VAV3: variants seen among roughly 807,000 people sequenced by gnomAD.
The protein encoded by VAV3 is vav guanine nucleotide exchange factor 3, also known as guanine nucleotide exchange factor VAV3.
Under a neutral mutation model 131.2 loss-of-function variants are expected in VAV3, and 94 were observed. That is an observed-to-expected ratio of 0.72 (90% CI 0.61 to 0.85). The LOEUF is 0.85. Among genes scored for constraint, VAV3 ranks in the 40% least tolerant of loss-of-function variants. The pLI, the probability that VAV3 is intolerant of heterozygous loss-of-function variation, is 0.00. For missense variants in VAV3, 939 were observed against 1,002.7 expected (o/e 0.94, Z 0.86); for synonymous variants, 349 against 342.0 (o/e 1.02, Z -0.22).
At chr1:107,721,949 A>C (rs1661527661) in intron 15 of VAV3, among the ~76,000 whole-genome samples, 3 of 152,216 alleles carry the variant, frequency 2.0e-5, no homozygotes. Flanking sequence ...CATAATTGCA[A>C]ATGACTTTTA....
chr1:107,668,242 G>T (rs1657545455), intron 19 of VAV3, among the ~76,000 whole-genome samples: 1 of 152,292 alleles, frequency 6.6e-6, no homozygotes, highest in South Asian at 2.1e-4. Flanking sequence ...CTGATAAAGT[G>T]CACTGATTTA....
intron 13 of VAV3, 150 bp downstream of exon 13, chr1:107,750,967 T>G: frequency 1.4e-6 from 1 of 729,478 alleles, no homozygotes; most frequent in Non-Finnish European, 2.2e-6. Flanking sequence ...ATAATCTAGA[T>G]TTAAAAAATT....
intron 1 of VAV3, among the ~76,000 whole-genome samples, chr1:107,958,606 TA>T (rs1674927988): frequency 6.8e-6 from 1 of 147,620 alleles, no homozygotes; most frequent in Non-Finnish European, 1.5e-5. Flanking sequence ...AAGAAGATTT[TA>T]AAACACTTTA....
chr1:107,860,390 T>C (rs920929834), intron 2 of VAV3, among the ~76,000 whole-genome samples: 5 of 144,386 alleles, frequency 3.5e-5, no homozygotes, highest in African/African-American at 1.2e-4. Flanking sequence ...TGGTTATCTC[T>C]ATAATAATTT....
At chr1:107,805,095 T>C (rs187166567) in intron 2 of VAV3, among the ~76,000 whole-genome samples, 2 of 152,274 alleles carry the variant, frequency 1.3e-5, no homozygotes, top group East Asian at 3.9e-4. Flanking sequence ...TAAAATCCTT[T>C]CTTTGTCCTT....
At chr1:107,637,689 A>G (rs559459961) in intron 20 of VAV3, among the ~76,000 whole-genome samples, 1 of 152,324 alleles carries the variant, frequency 6.6e-6, no homozygotes, top group African/African-American at 2.4e-5. Flanking sequence ...CTAGGCCTAG[A>G]TAGCTTCCCT....
At chr1:107,933,814 CAAAAAA>C (rs11383512) in intron 1 of VAV3, among the ~76,000 whole-genome samples, 2 of 119,234 alleles carry the variant, frequency 1.7e-5, no homozygotes, top group South Asian at 2.8e-4. Flanking sequence ...AGACCCTTCT[CAAAAAA>C]AAAAAAAAAA....
At chr1:107,774,090 A>G (rs1269494784) in intron 4 of VAV3, among the ~76,000 whole-genome samples, 1 of 152,168 alleles carries the variant, frequency 6.6e-6, no homozygotes, top group East Asian at 1.9e-4. Context: ...TTTGGGGGAC[A>G]GAGTCTCACT....
intron 2 of VAV3, among the ~76,000 whole-genome samples, chr1:107,787,126 C>A (rs564433940): frequency 6.6e-6 from 1 of 152,086 alleles, no homozygotes; most frequent in African/African-American, 2.4e-5. Context: ...AATACCATGG[C>A]CCAGAAAAAC....
intron 20 of VAV3, among the ~76,000 whole-genome samples, chr1:107,621,336 C>G (rs1001840236): frequency 6.6e-6 from 1 of 151,992 alleles, no homozygotes; most frequent in East Asian, 1.9e-4. Flanking sequence ...GTCTTATCAG[C>G]TTTAGCTATA....
At chr1:107,678,828 T>C (rs1011631677) in intron 19 of VAV3, among the ~76,000 whole-genome samples, 2 of 152,106 alleles carry the variant, frequency 1.3e-5, no homozygotes, top group Non-Finnish European at 2.9e-5. Context: ...TATTGTGTAA[T>C]CCTAGATCTT....
intron 19 of VAV3, among the ~76,000 whole-genome samples, chr1:107,670,259 C>T (rs1421099028): frequency 6.6e-6 from 1 of 152,124 alleles, no homozygotes; most frequent in Non-Finnish European, 1.5e-5. Flanking sequence ...AAGCACTGAG[C>T]TTGAAGTGCT....
intron 1 of VAV3, among the ~76,000 whole-genome samples, chr1:107,907,170 T>A (rs1672149138): frequency 6.6e-6 from 1 of 152,210 alleles, no homozygotes; most frequent in African/African-American, 2.4e-5. Flanking sequence ...ACAATCGGAC[T>A]CGGAAATTAC....
At chr1:107,681,575 A>C (rs1658611147) in intron 19 of VAV3, among the ~76,000 whole-genome samples, 1 of 152,172 alleles carries the variant, frequency 6.6e-6, no homozygotes. Flanking sequence ...AAGATCATCA[A>C]GTGTTTGGGT....
intron 1 of VAV3, among the ~76,000 whole-genome samples, chr1:107,935,958 T>G (rs777216816): frequency 1.3e-5 from 2 of 152,154 alleles, no homozygotes; most frequent in Non-Finnish European, 2.9e-5. Flanking sequence ...ACCCCATCAG[T>G]TGAAGAATTT....
At chr1:107,870,988 A>G (rs1255481115) in intron 2 of VAV3, among the ~76,000 whole-genome samples, 1 of 152,144 alleles carries the variant, frequency 6.6e-6, no homozygotes, top group African/African-American at 2.4e-5. Flanking sequence ...AAAAAATCCC[A>G]TGTGCTTCTG....
chr1:107,826,602 T>C lies in VAV3; in HGVS notation c.322-47110A>G, dbSNP rs182305847. Among the ~76,000 whole-genome samples, 156 of 152,280 alleles carry C rather than the reference T, an allele frequency of 1.0e-3. 1 individual carries two copies. The highest frequency in any genetic ancestry group is 3.7e-3 in the African/African-American group (152 of 41,562). On this transcript the variant is annotated intron_variant, in intron 2 of 26. Transcript: ENST00000370056. ...TGTACTGCAGTTCACTGGCAGACAGTTGGCAAACTGATGAACTTCCAATGT... is the reference window on the plus strand; with the variant it reads ...TGTACTGCAGTTCACTGGCAGACAGCTGGCAAACTGATGAACTTCCAATGT...
intron 16 of VAV3, 35 bp downstream of exon 16, chr1:107,704,924 TC>T: frequency 6.3e-7 from 1 of 1,576,072 alleles, no homozygotes; most frequent in Non-Finnish European, 8.7e-7. Context: ...TTATATCAGT[TC>T]CTTTAAACTG....
intron 1 of VAV3, among the ~76,000 whole-genome samples, chr1:107,935,833 A>G (rs2101232553): frequency 6.6e-6 from 1 of 152,306 alleles, no homozygotes. Flanking sequence ...TTCCTATTAC[A>G]ATGACAAGGA....
Sources: gnomAD v4.1 joint callset for allele counts (sites outside exome capture counted in the v4.1 genomes callset) on GRCh38, gnomAD v4.1.1 for gene constraint, MANE v1.5 for transcripts, NCBI Gene and HGNC (gene_info 2026-07-23, HGNC 2026-07-21) for gene names.